The following BMPR2 variants were observed in gnomAD, a reference collection of about 807,000 sequenced individuals.
BMPR2 encodes the protein bone morphogenetic protein receptor type-2.
Under a neutral mutation model 100.8 loss-of-function variants are expected in BMPR2, and 29 were observed. The observed-to-expected ratio is 0.29, with a 90% CI of 0.21 to 0.39. The LOEUF is 0.39. Ranked by LOEUF, BMPR2 falls within the 10% of genes least tolerant of loss-of-function variation. The probability of loss-of-function intolerance (pLI) is 1.00; values close to 1 mark genes in which losing one functional copy is unlikely to be tolerated. For synonymous variants in BMPR2, 382 were observed against 442.3 expected (o/e 0.86, Z 1.71); for missense variants, 1,011 against 1,274.5 (o/e 0.79, Z 3.15).
chr2:202,404,643 C>T (rs1690847948), intron 1 of BMPR2, among the ~76,000 whole-genome samples: 1 of 152,062 alleles, frequency 6.6e-6, no homozygotes, highest in Admixed American at 6.5e-5. Flanking sequence ...TTTTGGAGTT[C>T]ATAGTTAAGG....
Position 202,530,966 on chromosome 2 carries a change from C to T in BMPR2, c.1128+12C>T, listed in dbSNP as rs1221287856. 7.4e-6 allele frequency: 12 copies of T among 1,613,426 alleles called. No individual in the cohort carries two copies. Among genetic ancestry groups the T allele is most frequent in the Middle Eastern group, 1.6e-4 (1 of 6,084 alleles). Reference sequence around the variant, plus strand: ...CAGCCATAAGCGAGGTGAGTGTATACAAAAGGTATCACACTGATGTACTTT... The same window carrying T: ...CAGCCATAAGCGAGGTGAGTGTATATAAAAGGTATCACACTGATGTACTTT... On this transcript the variant is annotated intron_variant, in intron 8 of 12. Transcript: ENST00000374580.
chr2:202,403,416 T>A (rs1326506885), intron 1 of BMPR2, among the ~76,000 whole-genome samples: 22 of 151,960 alleles, frequency 1.4e-4, no homozygotes, highest in Admixed American at 1.4e-3. Flanking sequence ...GCCAGGATGG[T>A]CTTATTCTCT....
intron 3 of BMPR2, among the ~76,000 whole-genome samples, chr2:202,506,857 G>GC: frequency 6.6e-6 from 1 of 152,048 alleles, no homozygotes; most frequent in South Asian, 2.1e-4. Context: ...CTGAGATCGC[G>GC]CCACTGCTCT....
At chr2:202,467,227 C>A (rs928775969) in intron 2 of BMPR2, among the ~76,000 whole-genome samples, 1 of 152,206 alleles carries the variant, frequency 6.6e-6, no homozygotes, top group Non-Finnish European at 1.5e-5. Context: ...CGTGCCATTG[C>A]ACTCTAGCCT....
chr2:202,458,609 A>T (rs1692168160), intron 1 of BMPR2, among the ~76,000 whole-genome samples: 1 of 152,144 alleles, frequency 6.6e-6, no homozygotes, highest in Non-Finnish European at 1.5e-5. Context: ...AGTTTAACAG[A>T]TCTTTAGAAT....
At chr2:202,405,396 G>A (rs1000345627) in intron 1 of BMPR2, among the ~76,000 whole-genome samples, 1 of 152,036 alleles carries the variant, frequency 6.6e-6, no homozygotes, top group Non-Finnish European at 1.5e-5. Flanking sequence ...TATTCAAAAA[G>A]CAGGAAAAGG....
intron 1 of BMPR2, among the ~76,000 whole-genome samples, chr2:202,405,916 G>T (rs761513276): frequency 6.6e-6 from 1 of 152,032 alleles, no homozygotes; most frequent in Non-Finnish European, 1.5e-5. Flanking sequence ...GCAAATATAA[G>T]AATATTTACC....
chr2:202,551,804 A>G lies in BMPR2; in HGVS notation c.1414-912A>G, dbSNP rs554971815. Among the ~76,000 whole-genome samples the G allele has an allele frequency of 1.7e-4, 26 of 151,320 alleles. No homozygotes were observed. The East Asian group carries it at 3.9e-3, about 23-fold the overall frequency. On this transcript the variant is annotated intron_variant, in intron 10 of 12. Coordinates refer to ENST00000374580, the MANE Select transcript of BMPR2 (RefSeq NM_001204.7). The stretch of plus-strand genomic sequence containing the variant: ...AACCTCTGCCTCCCGGGTTGAAGCA[A>G]TTCTGCCTCAGCCTCCCAAGTAGCT...
chr2:202,392,379 A>G (rs1019342752), intron 1 of BMPR2, among the ~76,000 whole-genome samples: 1 of 151,958 alleles, frequency 6.6e-6, no homozygotes, highest in African/African-American at 2.4e-5. Flanking sequence ...CCCAGTCTAC[A>G]CTCTTAACTG....
chr2:202,501,509 C>G (rs55984430), intron 3 of BMPR2, among the ~76,000 whole-genome samples: 11,329 of 152,272 alleles, frequency 0.074, 528 homozygotes, highest in Middle Eastern at 0.11. Flanking sequence ...TGGGATAACT[C>G]TCGGAGTCCT....
At chr2:202,459,523 G>C (rs540276989) in intron 1 of BMPR2, among the ~76,000 whole-genome samples, 5 of 152,066 alleles carry the variant, frequency 3.3e-5, no homozygotes, top group African/African-American at 1.2e-4. Context: ...CAGTGTGTGG[G>C]GTTCCCCTCT....
chr2:202,383,068 G>A (rs1690335181), intron 1 of BMPR2, among the ~76,000 whole-genome samples: 1 of 152,096 alleles, frequency 6.6e-6, no homozygotes, highest in African/African-American at 2.4e-5. Flanking sequence ...GCTTAATCTG[G>A]TAAACATTAG....
rs537405726 is a variant in BMPR2 at position 202,473,795 on chromosome 2, T to TAAATA, written c.418+6132_418+6136dup. ...GACAGAGTGAGACACTGTCTCAAAA[T>TAAATA]AAATAAAATAAAATAAAATAAAATA... On this transcript the variant is annotated intron_variant, in intron 3 of 12. Transcript: ENST00000374580. Among the ~76,000 whole-genome samples, 713 of 124,246 alleles carry TAAATA rather than the reference T, an allele frequency of 5.7e-3. 1 individual carries two copies. The highest frequency in any genetic ancestry group is 0.011 in the African/African-American group (376 of 32,762). The allele number at this position is 124,246 out of a possible 152,430, so 81.5% of individuals were successfully genotyped here. A position where few individuals can be genotyped will look rare whatever the true frequency, so the allele number is the denominator to read the frequency against.
At chr2:202,455,899 A>G (rs1030318831) in intron 1 of BMPR2, among the ~76,000 whole-genome samples, 2 of 151,164 alleles carry the variant, frequency 1.3e-5, no homozygotes, top group African/African-American at 4.9e-5. Context: ...CCCCGTCTCT[A>G]CTAAAAATAC....
At chr2:202,549,979 C>T (rs772886353) in intron 10 of BMPR2, among the ~76,000 whole-genome samples, 1 of 152,002 alleles carries the variant, frequency 6.6e-6, no homozygotes, top group African/African-American at 2.4e-5. Flanking sequence ...CATCATAGCT[C>T]GCTACAGCCT....
intron 7 of BMPR2, among the ~76,000 whole-genome samples, chr2:202,526,521 T>C (rs1000116915): frequency 6.6e-6 from 1 of 152,270 alleles, no homozygotes; most frequent in Non-Finnish European, 1.5e-5. Flanking sequence ...GTCCAAAGTA[T>C]TGCCTGTGTC....
At chr2:202,391,726 T>A (rs1690553125) in intron 1 of BMPR2, among the ~76,000 whole-genome samples, 1 of 146,336 alleles carries the variant, frequency 6.8e-6, no homozygotes, top group African/African-American at 2.5e-5. Context: ...GCTGGGATTA[T>A]AGATGCATGC....
At chr2:202,461,506 A>G (rs1325426305) in intron 1 of BMPR2, among the ~76,000 whole-genome samples, 1 of 152,174 alleles carries the variant, frequency 6.6e-6, no homozygotes, top group Non-Finnish European at 1.5e-5. Context: ...CAATACTTAG[A>G]TACATGCTAG....
intron 1 of BMPR2, among the ~76,000 whole-genome samples, chr2:202,383,952 A>C (rs539735034): frequency 2.0e-5 from 3 of 152,086 alleles, no homozygotes; most frequent in African/African-American, 7.2e-5. Context: ...CTGGTGGATC[A>C]ACTGACGTTA....
Sources: gnomAD v4.1 joint callset for allele counts (sites outside exome capture counted in the v4.1 genomes callset) on GRCh38, gnomAD v4.1.1 for gene constraint, MANE v1.5 for transcripts, NCBI Gene and HGNC (gene_info 2026-07-23, HGNC 2026-07-21) for gene names.